Variants in CA10 observed in about 807,000 individuals in gnomAD.
The protein encoded by CA10 is carbonic anhydrase 10 (inactive), also known as carbonic anhydrase-related protein 10.
In CA10, 14 loss-of-function variants were observed where a neutral mutation model predicts 44.2. The ratio of observed to expected loss-of-function variants is 0.32; its 90% CI spans 0.21 to 0.50. The LOEUF (loss-of-function observed/expected upper bound fraction) is 0.50, where lower values mean the gene tolerates loss of function less well. Among genes scored for constraint, CA10 ranks in the 20% least tolerant of loss-of-function variants. The pLI is 0.99. For missense variants in CA10, 350 were observed against 409.7 expected (o/e 0.85, Z 1.26); for synonymous variants, 159 against 141.6 (o/e 1.12, Z -0.87).
intron 2 of CA10, among the ~76,000 whole-genome samples, chr17:52,049,209 G>A (rs1192009417): frequency 6.6e-6 from 1 of 152,024 alleles, no homozygotes; most frequent in East Asian, 1.9e-4. Flanking sequence ...ACTGAATCCA[G>A]GTGTGACCAC....
At chr17:51,801,157 T>C (rs2143717548) in intron 3 of CA10, among the ~76,000 whole-genome samples, 1 of 152,316 alleles carries the variant, frequency 6.6e-6, no homozygotes, top group African/African-American at 2.4e-5. Flanking sequence ...AGGAAAGTGC[T>C]TTGTCGTGGC....
intron 2 of CA10, among the ~76,000 whole-genome samples, chr17:52,061,069 T>C (rs1034273883): frequency 6.6e-6 from 1 of 152,098 alleles, no homozygotes; most frequent in Admixed American, 6.6e-5. Flanking sequence ...AAAAGAATAA[T>C]GGTCTTCCCA....
chr17:51,707,112 G>A (rs1157237333), intron 4 of CA10, among the ~76,000 whole-genome samples: 2 of 152,044 alleles, frequency 1.3e-5, no homozygotes, highest in South Asian at 2.1e-4. Flanking sequence ...GTTCCTCGGT[G>A]CCTAGATTCT....
chr17:52,024,531 G>C (rs1986241531), intron 2 of CA10, among the ~76,000 whole-genome samples: 1 of 151,912 alleles, frequency 6.6e-6, no homozygotes, highest in Non-Finnish European at 1.5e-5. Context: ...TAAAGCTACT[G>C]CCAGAAATCC....
chr17:51,862,168 A>G (rs1024154532), intron 3 of CA10, among the ~76,000 whole-genome samples: 10 of 152,212 alleles, frequency 6.6e-5, no homozygotes, highest in Non-Finnish European at 1.0e-4. Context: ...AACTCCTTGA[A>G]GAAAGTTTCT....
At chr17:52,159,107 G>T (rs973093517), upstream of CA10, among the ~76,000 whole-genome samples, 4 of 152,188 alleles carry the variant, frequency 2.6e-5, no homozygotes, top group African/African-American at 9.6e-5. Context: ...GTTCGGCGCG[G>T]GAGACCCAGG....
chr17:52,145,466 AC>A (rs1190407204), intron 1 of CA10, among the ~76,000 whole-genome samples: 1 of 152,178 alleles, frequency 6.6e-6, no homozygotes, highest in Non-Finnish European at 1.5e-5. Context: ...GGCAAAACTA[AC>A]ACTAAACACA....
At chr17:51,653,811 C>T in intron 4 of CA10, 75 bp from the exon 5 acceptor site, 1 of 833,468 alleles carries the variant, frequency 1.2e-6, no homozygotes, top group Admixed American at 1.8e-5. Context: ...CCTGCCCCTA[C>T]ATAAGGGTGA....
At chr17:51,722,927 TC>T (rs1567817418) in intron 4 of CA10, among the ~76,000 whole-genome samples, 2 of 152,182 alleles carry the variant, frequency 1.3e-5, no homozygotes, top group Non-Finnish European at 2.9e-5. Context: ...TTTGGTTATA[TC>T]ATCTAGGCCC....
chr17:52,076,997 T>A (rs1938446585), intron 1 of CA10, among the ~76,000 whole-genome samples: 1 of 152,152 alleles, frequency 6.6e-6, no homozygotes, highest in Non-Finnish European at 1.5e-5. Flanking sequence ...GTGTTGACAA[T>A]AAAAATTGTC....
At chr17:51,730,034 G>A (rs1916662213) in intron 4 of CA10, among the ~76,000 whole-genome samples, 2 of 152,216 alleles carry the variant, frequency 1.3e-5, no homozygotes, top group Non-Finnish European at 2.9e-5. Context: ...AGAGCCAAGA[G>A]TCAAGTCTAA....
At chr17:52,040,852 A>T (rs564106855) in intron 2 of CA10, among the ~76,000 whole-genome samples, 1 of 152,176 alleles carries the variant, frequency 6.6e-6, no homozygotes, top group East Asian at 2.0e-4. Context: ...TCTTTGGCTG[A>T]GGGTGAATGT....
chr17:52,073,165 T>C (rs1250318333), intron 1 of CA10, among the ~76,000 whole-genome samples: 1 of 152,210 alleles, frequency 6.6e-6, no homozygotes, highest in African/African-American at 2.4e-5. Context: ...AATAAGTGAA[T>C]CAATCATATT....
At chr17:52,009,843 C>T (rs1985724638) in intron 2 of CA10, among the ~76,000 whole-genome samples, 1 of 151,922 alleles carries the variant, frequency 6.6e-6, no homozygotes, top group South Asian at 2.1e-4. Flanking sequence ...AAAATCTTCA[C>T]AATCTATATA....
At chr17:51,767,726 C>T (rs1905440612) in intron 3 of CA10, among the ~76,000 whole-genome samples, 1 of 143,134 alleles carries the variant, frequency 7.0e-6, no homozygotes, top group Non-Finnish European at 1.5e-5. Context: ...GAGCCCCGAG[C>T]TTTTTTTTTT....
chr17:51,834,984 T>C (rs1423248456), intron 3 of CA10, among the ~76,000 whole-genome samples: 2 of 152,044 alleles, frequency 1.3e-5, no homozygotes, highest in South Asian at 2.1e-4. Context: ...TAGTGTGAGG[T>C]TGTGCTCTGG....
intron 3 of CA10, among the ~76,000 whole-genome samples, chr17:51,795,413 C>G (rs563635266): frequency 6.6e-6 from 1 of 152,006 alleles, no homozygotes; most frequent in Admixed American, 6.5e-5. Flanking sequence ...TTTGGAAGAG[C>G]TTTTTAGCCA....
intron 3 of CA10, among the ~76,000 whole-genome samples, chr17:51,806,720 A>T (rs1419552487): frequency 6.6e-6 from 1 of 152,242 alleles, no homozygotes; most frequent in East Asian, 1.9e-4. Flanking sequence ...AAAATAGGCA[A>T]TGCATAATTT....
chr17:51,847,902 A>G (rs1978568039), intron 3 of CA10, among the ~76,000 whole-genome samples: 1 of 152,164 alleles, frequency 6.6e-6, no homozygotes, highest in Non-Finnish European at 1.5e-5. Context: ...CAGAGATCAG[A>G]ACAGCACTTT....
Sources: allele counts gnomAD v4.1 joint callset (sites outside exome capture counted in the v4.1 genomes callset), GRCh38; gene constraint gnomAD v4.1.1; transcripts MANE v1.5; gene names NCBI Gene and HGNC (gene_info 2026-07-23, HGNC 2026-07-21).